Variants in SYN3 observed in about 807,000 individuals in gnomAD.
The protein encoded by SYN3 is synapsin III, also known as synapsin-3.
Under a neutral mutation model 65.8 loss-of-function variants are expected in SYN3, and 35 were observed. The ratio of observed to expected loss-of-function variants is 0.53; its 90% CI spans 0.41 to 0.70. The LOEUF (loss-of-function observed/expected upper bound fraction) is 0.70, where lower values mean the gene tolerates loss of function less well. SYN3 is among the 30% of genes least tolerant of loss of function. The pLI, the probability that SYN3 is intolerant of heterozygous loss-of-function variation, is 0.00. For synonymous variants in SYN3, 270 were observed against 292.9 expected (o/e 0.92, Z 0.80); for missense variants, 680 against 749.0 (o/e 0.91, Z 1.08).
At chr22:32,632,840 T>C (rs550714192) in intron 6 of SYN3, among the ~76,000 whole-genome samples, 1 of 152,228 alleles carries the variant, frequency 6.6e-6, no homozygotes, top group Non-Finnish European at 1.5e-5. Flanking sequence ...ACGTGACGCA[T>C]ACAGGGTTTG....
chr22:32,932,655 T>C (rs1425366028), intron 3 of SYN3, among the ~76,000 whole-genome samples: 2 of 152,194 alleles, frequency 1.3e-5, no homozygotes, highest in Non-Finnish European at 2.9e-5. Context: ...CCTATTTGTT[T>C]AAATGAGCTT....
At chr22:33,014,449 T>C (rs1158680740) in intron 1 of SYN3, 1 of 152,218 alleles carries the variant, frequency 6.6e-6, no homozygotes, top group Non-Finnish European at 1.5e-5. Flanking sequence ...TTTAGTTTTC[T>C]GAGGAACCTC....
chr22:32,954,352 G>T (rs1057200066), intron 3 of SYN3, among the ~76,000 whole-genome samples: 2 of 152,176 alleles, frequency 1.3e-5, no homozygotes, highest in African/African-American at 4.8e-5. Context: ...GCTTTTAGAA[G>T]GTCGACAGAC....
At chr22:32,516,599 G>T (rs2057781140) in intron 13 of SYN3, among the ~76,000 whole-genome samples, 1 of 151,870 alleles carries the variant, frequency 6.6e-6, no homozygotes, top group Admixed American at 6.5e-5. Flanking sequence ...CCTGACCTCA[G>T]GTGGGATCCA....
At chr22:32,955,008 GCACT>G (rs891572689) in intron 3 of SYN3, among the ~76,000 whole-genome samples, 5 of 150,326 alleles carry the variant, frequency 3.3e-5, no homozygotes, top group Non-Finnish European at 5.9e-5. Context: ...AGGAAAAAAG[GCACT>G]CAGACTTCCT....
intron 3 of SYN3, among the ~76,000 whole-genome samples, chr22:32,957,947 A>G (rs991380662): frequency 1.3e-5 from 2 of 152,170 alleles, no homozygotes; most frequent in African/African-American, 2.4e-5. Flanking sequence ...CCTAATCTCC[A>G]AAACGGGGAC....
rs575369364 is a variant in SYN3 at position 33,008,167 on chromosome 22, C to T, written c.-162-1343G>A. On this transcript the variant is annotated intron_variant, in intron 1 of 13. Transcript: ENST00000358763. ...GGCCATGCTGGTCTCAAACTCCTGG[C>T]CTCAAGTGATCTGCCTGCTTTGGCC... Among the ~76,000 whole-genome samples the T allele has an allele frequency of 6.6e-4, 100 of 152,284 alleles. 1 individual carries two copies. Among genetic ancestry groups the T allele is most frequent in the Admixed American group, 3.4e-3 (52 of 15,304 alleles).
chr22:32,529,874 A>G, intron 10 of SYN3, among the ~76,000 whole-genome samples: 1 of 152,134 alleles, frequency 6.6e-6, no homozygotes, highest in East Asian at 1.9e-4. Context: ...CGCTCTGGAC[A>G]TATTAGGTTT....
chr22:32,778,463 AT>A lies in SYN3; in HGVS notation c.711+86451del, dbSNP rs11410709. Among the ~76,000 whole-genome samples the A allele has an allele frequency of 9.2e-5, 14 of 151,440 alleles. 1 individual carries two copies. The highest frequency in any genetic ancestry group is 3.9e-4 in the East Asian group (2 of 5,142). ...GCCACCATGTCCAGCTAATTTTTGT[AT>A]TTTTTTTTTAGTAGAGATGGAGTTT... On this transcript the variant is annotated intron_variant, in intron 6 of 13. Transcript: ENST00000358763.
intron 6 of SYN3, among the ~76,000 whole-genome samples, chr22:32,705,630 G>C (rs778361233): frequency 1.2e-4 from 19 of 152,168 alleles, no homozygotes; most frequent in Non-Finnish European, 2.1e-4. Context: ...CATTGAATCT[G>C]TAAATTGCTT....
At chr22:32,689,229 C>T (rs1177868014) in intron 6 of SYN3, among the ~76,000 whole-genome samples, 1 of 152,158 alleles carries the variant, frequency 6.6e-6, no homozygotes, top group Non-Finnish European at 1.5e-5. Context: ...TCTATGCCCT[C>T]GCTGCATGTC....
chr22:32,996,891 G>GT (rs1281104275), intron 2 of SYN3, among the ~76,000 whole-genome samples: 1 of 152,342 alleles, frequency 6.6e-6, no homozygotes, highest in East Asian at 1.9e-4. Context: ...TCTTCTGAGG[G>GT]TGAGGTCACC....
chr22:32,979,275 C>T lies in SYN3; in HGVS notation c.369+1370G>A, dbSNP rs565746935. ...AGACCACAGGCATTTGGAGACTGGG[C>T]CTCTTCTTCTATATACTCGTTCTCC... On this transcript the variant is annotated intron_variant, in intron 3 of 13. Coordinates refer to ENST00000358763, the MANE Select transcript of SYN3 (RefSeq NM_003490.4). Among the ~76,000 whole-genome samples the T allele has an allele frequency of 5.9e-5, 9 of 151,876 alleles. No homozygotes were observed. The East Asian group carries it at 1.5e-3, about 26-fold the overall frequency.
intron 13 of SYN3, among the ~76,000 whole-genome samples, chr22:32,515,799 A>G (rs985893508): frequency 2.6e-5 from 4 of 151,800 alleles, no homozygotes; most frequent in African/African-American, 9.7e-5. Context: ...TCGGTGCTCC[A>G]GGATTTTTTT....
chr22:32,900,590 T>A (rs992327591), intron 4 of SYN3, among the ~76,000 whole-genome samples: 1 of 152,218 alleles, frequency 6.6e-6, no homozygotes, highest in Admixed American at 6.5e-5. Context: ...TAGACTTTGA[T>A]AGTTTTACTG....
intron 3 of SYN3, among the ~76,000 whole-genome samples, chr22:32,956,528 T>C (rs1293782375): frequency 1.3e-5 from 2 of 152,218 alleles, no homozygotes; most frequent in African/African-American, 2.4e-5. Flanking sequence ...ACTGGAATCA[T>C]ATAACATTTG....
chr22:32,750,472 A>C (rs1448410457), intron 6 of SYN3, among the ~76,000 whole-genome samples: 2 of 151,954 alleles, frequency 1.3e-5, no homozygotes, highest in Non-Finnish European at 2.9e-5. Flanking sequence ...CATGGGGATG[A>C]GGTCTGAGAA....
intron 6 of SYN3, chr22:32,802,210 T>G: frequency 2.0e-6 from 3 of 1,501,186 alleles, no homozygotes; most frequent in Middle Eastern, 1.7e-4. Flanking sequence ...CCCACTCCTT[T>G]CCTCTGCCCC....
chr22:32,967,014 G>C (rs1243245887), intron 3 of SYN3, among the ~76,000 whole-genome samples: 1 of 152,204 alleles, frequency 6.6e-6, no homozygotes, highest in Non-Finnish European at 1.5e-5. Context: ...GTGTGGCCTT[G>C]GGTAAGCCTC....
Sources: allele counts gnomAD v4.1 joint callset (sites outside exome capture counted in the v4.1 genomes callset), GRCh38; gene constraint gnomAD v4.1.1; transcripts MANE v1.5; gene names NCBI Gene and HGNC (gene_info 2026-07-23, HGNC 2026-07-21).